PPP6R3: variants seen among roughly 807,000 people sequenced by gnomAD.
PPP6R3 encodes serine/threonine-protein phosphatase 6 regulatory subunit 3.
PPP6R3 carries 38 observed loss-of-function variants against 110.7 expected under a neutral mutation model. The ratio of observed to expected loss-of-function variants is 0.34; its 90% confidence interval spans 0.26 to 0.45. PPP6R3 has a LOEUF of 0.45. PPP6R3 is among the 20% of genes least tolerant of loss of function. The probability of loss-of-function intolerance (pLI) is 1.00; values close to 1 mark genes in which losing one functional copy is unlikely to be tolerated. For synonymous variants in PPP6R3, 369 were observed against 373.5 expected (o/e 0.99, Z 0.14); for missense variants, 870 against 1,062.4 (o/e 0.82, Z 2.52).
chr11:68,558,347 A>AGGGT (rs1248540945), intron 7 of PPP6R3: 4 of 311,484 alleles, frequency 1.3e-5, no homozygotes, highest in Non-Finnish European at 2.3e-5. Context: ...AAGAGATAGA[A>AGGGT]GGGTGAGTGA....
chr11:68,480,397 G>C (rs955168871), intron 1 of PPP6R3, among the ~76,000 whole-genome samples: 6 of 152,216 alleles, frequency 3.9e-5, no homozygotes, highest in Non-Finnish European at 8.8e-5. Context: ...TTCTGTACCA[G>C]ACACTGTCTG....
Position 68,601,944 on chromosome 11 carries a change from G to A in PPP6R3, c.2274G>A (p.Ala758=), listed in dbSNP as rs776646343. Residue 758 remains alanine, a synonymous_variant, in exon 21 of 24, where the codon GCG becomes GCA. Transcript: ENST00000393800. ...TEPMDPLTPS[A]AALAVQPEAA... is the part of the protein sequence containing the mutation. ...CCATGGACCCTCTGACTCCCAGTGCGGCTGCCCTGGCAGTGCAGCCAGAAG... is the reference window on the plus strand; with the variant it reads ...CCATGGACCCTCTGACTCCCAGTGCAGCTGCCCTGGCAGTGCAGCCAGAAG... 24 of 1,612,776 alleles carry A rather than the reference G, an allele frequency of 1.5e-5. No homozygotes were observed. The highest frequency in any genetic ancestry group is 1.7e-5 in the Admixed American group (1 of 59,788).
chr11:68,464,945 G>C (rs2098735210), intron 1 of PPP6R3, among the ~76,000 whole-genome samples: 1 of 150,168 alleles, frequency 6.7e-6, no homozygotes, highest in Non-Finnish European at 1.5e-5. Context: ...GCAGTGGCAT[G>C]ATCTTGGCTC....
chr11:68,574,176 A>G lies in PPP6R3; in HGVS notation c.1411A>G (p.Ser471Gly), dbSNP rs777788918. 1 of 1,614,124 alleles carries G rather than the reference A, an allele frequency of 6.2e-7. No individual in the cohort carries two copies. Among genetic ancestry groups the G allele is most frequent in the Admixed American group, 1.7e-5 (1 of 60,028 alleles). Residue 471 changes from serine to glycine, a missense_variant, in exon 13 of 24, where the codon AGC (serine) becomes GGC (glycine). Coordinates refer to ENST00000393800, the MANE Select transcript of PPP6R3 (RefSeq NM_001164161.2). ...GAGGATAGCTAACTGTATCGTGCAC[A>G]GCACTGACAAGGGCCCCAACAGTGC... is the stretch of plus-strand genomic sequence containing the variant. The part of the protein sequence containing the change: ...LTRIANCIVH[S>G]TDKGPNSALV...
chr11:68,524,461 G>A (rs2099185337), intron 2 of PPP6R3, among the ~76,000 whole-genome samples: 1 of 151,948 alleles, frequency 6.6e-6, no homozygotes, highest in Admixed American at 6.6e-5. Context: ...GTCCACAGTG[G>A]GATTAATTTC....
intron 1 of PPP6R3, among the ~76,000 whole-genome samples, chr11:68,474,097 C>G (rs188650324): frequency 1.4e-5 from 2 of 148,100 alleles, no homozygotes; most frequent in Admixed American, 1.4e-4. Context: ...GGTTGAAGTG[C>G]ACTGTGGCAT....
intron 8 of PPP6R3, among the ~76,000 whole-genome samples, chr11:68,560,722 C>T (rs1044494941): frequency 6.6e-6 from 1 of 152,098 alleles, no homozygotes; most frequent in East Asian, 1.9e-4. Flanking sequence ...TACACAAAAT[C>T]ATGGGAACAA....
chr11:68,608,350 C>T (rs537051332), intron 22 of PPP6R3, among the ~76,000 whole-genome samples: 5 of 152,296 alleles, frequency 3.3e-5, no homozygotes, highest in East Asian at 1.9e-4. Context: ...GAATTATAAA[C>T]GATAACAATA....
intron 1 of PPP6R3, among the ~76,000 whole-genome samples, chr11:68,491,187 CAAA>C (rs560557541): frequency 2.0e-5 from 3 of 147,574 alleles, no homozygotes; most frequent in Admixed American, 6.7e-5. Flanking sequence ...ATCCTGTCTC[CAAA>C]AAAAAAATTG....
intron 9 of PPP6R3, among the ~76,000 whole-genome samples, chr11:68,566,146 T>C (rs1233044024): frequency 6.6e-6 from 1 of 152,140 alleles, no homozygotes; most frequent in Admixed American, 6.5e-5. Flanking sequence ...AGAGGCAACG[T>C]CTGAATTTGC....
Position 68,589,571 on chromosome 11 carries a change from A to C in PPP6R3, c.1731-1089A>C, listed in dbSNP as rs112229106. ...TTGAGGTAGATATTATAGCTCATTG[A>C]CACAGAGTTTAAGAAAAAAAATGAA... On this transcript the variant is annotated intron_variant, in intron 16 of 23. Transcript: ENST00000393800. Among the ~76,000 whole-genome samples the C allele has an allele frequency of 3.5e-3, 527 of 152,338 alleles. 8 individuals are homozygous for C. Among genetic ancestry groups the C allele is most frequent in the African/African-American group, 0.012 (504 of 41,580 alleles).
In PPP6R3 at chr11:68,615,228, A is replaced by C. The variant is rs973186164; in HGVS notation, c.*2111A>C. ...GTGCCCTCATTTTGTTTCTACTTTT[A>C]ATTTCTGTGTGTTGGCCATACTGAA... On this transcript the variant is annotated 3_prime_UTR_variant, in exon 24 of 24. Coordinates refer to ENST00000393800, the MANE Select transcript of PPP6R3 (RefSeq NM_001164161.2). 1 of 382,948 alleles carries C rather than the reference A, an allele frequency of 2.6e-6. No individual in the cohort carries two copies. Among genetic ancestry groups the C allele is most frequent in the African/African-American group, 2.1e-5 (1 of 47,648 alleles). The allele number at this position is 382,948 out of a possible 1,614,324, so 23.7% of individuals were successfully genotyped here.
rs181178169 is a variant in PPP6R3 at position 68,565,634 on chromosome 11, C to A, written c.975+1202C>A. Among the ~76,000 whole-genome samples the A allele has an allele frequency of 3.6e-3, 554 of 151,878 alleles. 4 individuals carry two copies. The highest frequency in any genetic ancestry group is 0.01 in the African/African-American group (428 of 41,418). On this transcript the variant is annotated intron_variant, in intron 9 of 23. Transcript: ENST00000393800. ...GGGCCTGACCTGTGTCTTAGGTGGC[C>A]CACCCATCTTCTTTCTGGGTGGACA... is the stretch of plus-strand genomic sequence containing the variant.
intron 9 of PPP6R3, among the ~76,000 whole-genome samples, chr11:68,565,092 CT>C (rs36020308): frequency 6.7e-6 from 1 of 150,086 alleles, no homozygotes; most frequent in Non-Finnish European, 1.5e-5. Flanking sequence ...CTTAAGTTTC[CT>C]TTTTTTTCCT....
intron 2 of PPP6R3, among the ~76,000 whole-genome samples, chr11:68,530,554 A>G (rs1389929264): frequency 2.0e-5 from 3 of 152,248 alleles, no homozygotes; most frequent in Non-Finnish European, 2.9e-5. Flanking sequence ...CCAGTCTGGC[A>G]TATGATATCA....
Position 68,600,491 on chromosome 11 carries a change from T to A in PPP6R3, c.2189T>A (p.Leu730Gln). 6.2e-7 allele frequency: 1 copy of A among 1,612,860 alleles called. No individual in the cohort carries two copies. Among genetic ancestry groups the A allele is most frequent in the Non-Finnish European group, 8.5e-7 (1 of 1,179,656 alleles). ...WASFSEFTSS[L>Q]STKDSLRSNS... ...TCTTTTTCAGAGTTCACGTCTTCCC[T>A]GAGGTGAGCGAACATGTGCTGTCTC... The change falls in exon 20 of 24, where the codon CTG (leucine) becomes CAG (glutamine). Residue 730 changes from leucine to glutamine, a missense_variant. By Grantham distance (113) the Leu-to-Gln change is moderately radical. Coordinates refer to ENST00000393800, the MANE Select transcript of PPP6R3 (RefSeq NM_001164161.2).
intron 1 of PPP6R3, among the ~76,000 whole-genome samples, chr11:68,503,696 T>C (rs951084885): frequency 2.0e-5 from 3 of 152,176 alleles, no homozygotes; most frequent in African/African-American, 7.2e-5. Flanking sequence ...CAGTTTGAGC[T>C]GAGTGGTAGA....
At chr11:68,609,485 C>A in intron 22 of PPP6R3, 2 of 1,100,062 alleles carry the variant, frequency 1.8e-6, no homozygotes, top group Non-Finnish European at 2.7e-6. Flanking sequence ...TCTTTGACAC[C>A]TTCACCGAGT....
At chr11:68,584,425 A>G in intron 15 of PPP6R3, among the ~76,000 whole-genome samples, 1 of 152,228 alleles carries the variant, frequency 6.6e-6, no homozygotes, top group East Asian at 1.9e-4. Context: ...CATGAACCTG[A>G]GTGCTGTACA....
Sources: gnomAD v4.1 joint callset for allele counts (sites outside exome capture counted in the v4.1 genomes callset) on GRCh38, gnomAD v4.1.1 for gene constraint, MANE v1.5 for transcripts, NCBI Gene and HGNC (gene_info 2026-07-23, HGNC 2026-07-21) for gene names.